The following FRMD4A variants were observed in gnomAD, a reference collection of about 807,000 sequenced individuals.
The protein encoded by FRMD4A is FERM domain containing 4A.
A neutral mutation model predicts 129.1 loss-of-function variants in FRMD4A; 29 were observed. The observed-to-expected ratio is 0.22, with a 90% CI of 0.17 to 0.31. The LOEUF is 0.31. FRMD4A is among the 10% of genes least tolerant of loss of function. The probability of loss-of-function intolerance (pLI) is 1.00; values close to 1 mark genes in which losing one functional copy is unlikely to be tolerated. For synonymous variants in FRMD4A, 634 were observed against 571.6 expected, an observed-to-expected ratio of 1.11 and a Z score of -1.56; for missense variants, 1,272 against 1,375.8, an observed-to-expected ratio of 0.92 and a Z score of 1.19.
intron 5 of FRMD4A, among the ~76,000 whole-genome samples, chr10:13,794,831 G>A (rs1046118190): frequency 6.6e-6 from 1 of 152,306 alleles, no homozygotes; most frequent in Middle Eastern, 3.4e-3. Flanking sequence ...TGGGTCTTCA[G>A]TCATCCCATT....
intron 2 of FRMD4A, among the ~76,000 whole-genome samples, chr10:14,043,497 G>T (rs1214251383): frequency 1.3e-5 from 2 of 151,792 alleles, no homozygotes; most frequent in Non-Finnish European, 2.9e-5. Flanking sequence ...CCTCTCTGAT[G>T]TGCAGTTGAG....
intron 2 of FRMD4A, among the ~76,000 whole-genome samples, chr10:14,168,027 A>G (rs1281513839): frequency 6.6e-6 from 1 of 152,200 alleles, no homozygotes; most frequent in Non-Finnish European, 1.5e-5. Context: ...AGAGAGGACC[A>G]AGACTCTTCA....
intron 2 of FRMD4A, among the ~76,000 whole-genome samples, chr10:13,914,759 C>G (rs555772918): frequency 1.3e-5 from 2 of 152,226 alleles, no homozygotes; most frequent in Admixed American, 6.5e-5. Context: ...GAATAGGAGG[C>G]TGAAGTGTGA....
At chr10:13,698,110 CAG>C (rs2086411236) in intron 14 of FRMD4A, among the ~76,000 whole-genome samples, 1 of 92,406 alleles carries the variant, frequency 1.1e-5, no homozygotes, top group African/African-American at 4.5e-5. Context: ...GAGAGACAGG[CAG>C]AGAGAAAGAA....
intron 10 of FRMD4A, 31 bp from the exon 11 acceptor site, chr10:13,740,282 C>T: frequency 1.3e-6 from 2 of 1,496,370 alleles, no homozygotes; most frequent in Non-Finnish European, 1.9e-6. Context: ...TACACAAACA[C>T]ACACACAATG....
intron 2 of FRMD4A, among the ~76,000 whole-genome samples, chr10:14,039,451 AATCAATCTATCTATCTATCT>A (rs1408717836): frequency 0.047 from 5,397 of 113,726 alleles, 170 homozygotes; most frequent in Non-Finnish European, 0.063. Flanking sequence ...CCCCAAAATC[AATCAATCTATCTATCTATCT>A]ATCTATCTAT....
intron 2 of FRMD4A, among the ~76,000 whole-genome samples, chr10:14,103,603 C>T (rs997256774): frequency 5.3e-5 from 8 of 152,104 alleles, no homozygotes; most frequent in Non-Finnish European, 8.8e-5. Context: ...ATCTAGTAAG[C>T]ATTAGTTTTT....
chr10:14,176,927 C>A (rs1009811114), intron 2 of FRMD4A, among the ~76,000 whole-genome samples: 1 of 152,216 alleles, frequency 6.6e-6, no homozygotes, highest in African/African-American at 2.4e-5. Context: ...TGGCCCTGAA[C>A]CATTAAAACG....
chr10:14,162,736 G>T (rs1423209063), intron 2 of FRMD4A, among the ~76,000 whole-genome samples: 1 of 142,480 alleles, frequency 7.0e-6, no homozygotes, highest in African/African-American at 2.7e-5. Flanking sequence ...TGGGATTTTC[G>T]TTAGCTGGTT....
At chr10:13,894,385 G>A (rs1461030559) in intron 2 of FRMD4A, among the ~76,000 whole-genome samples, 4 of 152,132 alleles carry the variant, frequency 2.6e-5, no homozygotes, top group Non-Finnish European at 5.9e-5. Context: ...GGACCCCCTG[G>A]TCATCCAGTC....
chr10:13,815,459 G>A (rs1431560093), intron 3 of FRMD4A, among the ~76,000 whole-genome samples: 1 of 152,120 alleles, frequency 6.6e-6, no homozygotes, highest in Non-Finnish European at 1.5e-5. Flanking sequence ...TGATGAAAAA[G>A]TGTTGGAAAT....
At chr10:13,931,951 A>AAGC (rs2095201399) in intron 2 of FRMD4A, among the ~76,000 whole-genome samples, 10 of 111,466 alleles carry the variant, frequency 9.0e-5, no homozygotes, top group African/African-American at 2.6e-4. Context: ...TCTGTCTCAA[A>AAGC]AACCAACCAA....
chr10:13,847,356 G>C (rs1445972288), intron 3 of FRMD4A, among the ~76,000 whole-genome samples: 2 of 152,192 alleles, frequency 1.3e-5, no homozygotes, highest in African/African-American at 4.8e-5. Context: ...GAGATTCAAG[G>C]GCGATAGGGA....
In FRMD4A at chr10:14,228,981, T is replaced by C. The variant is rs375326239; in HGVS notation, c.45+101077A>G. ...ACGGTGTGACAGTAGCATTAAAATA[T>C]GCCCCACGGTCTAACACGAGCCCTG... On this transcript the variant is annotated intron_variant, in intron 2 of 24. Transcript: ENST00000357447. Among the ~76,000 whole-genome samples, 5 of 152,326 alleles carry C rather than the reference T, an allele frequency of 3.3e-5. No homozygotes were observed. In the South Asian group the frequency reaches 1.0e-3, roughly 32 times the overall value.
At chr10:14,075,598 C>T (rs571573678) in intron 2 of FRMD4A, among the ~76,000 whole-genome samples, 50 of 152,240 alleles carry the variant, frequency 3.3e-4, no homozygotes, top group African/African-American at 9.1e-4. Context: ...GATATGAAAG[C>T]GTAAAGTTTC....
At position 13,782,944 on chromosome 10, in the gene FRMD4A, T is replaced by C; in HGVS notation, c.362A>G (p.Asn121Ser). ...DNATIELFFL[N>S]AKSCIYKELI... ...TACCTTGTAGATGCAGGACTTCGCG[T>C]TCAGAAAGAAAAGCTCAATGGTAGC... Residue 121 changes from asparagine (N) to serine (S), a missense_variant, in exon 6 of 25, where the codon AAC (asparagine) becomes AGC (serine). Coordinates refer to ENST00000357447, the MANE Select transcript of FRMD4A (RefSeq NM_018027.5). 1 of 1,489,228 alleles carries C rather than the reference T, an allele frequency of 6.7e-7. No homozygotes were observed. The highest frequency in any genetic ancestry group is 9.4e-7 in the Non-Finnish European group (1 of 1,066,000). 92.3% of individuals were successfully genotyped at this position (1,489,228 alleles called of 1,614,324 possible). A position where few individuals can be genotyped will look rare whatever the true frequency, so the allele number is the denominator to read the frequency against.
At chr10:13,689,549 C>CTTTTTTTT (rs34800095) in intron 15 of FRMD4A, among the ~76,000 whole-genome samples, 11 of 128,638 alleles carry the variant, frequency 8.6e-5, no homozygotes, top group African/African-American at 3.4e-4. Flanking sequence ...TTAGAAGATT[C>CTTTTTTTT]TTTTTTTTTT....
intron 2 of FRMD4A, among the ~76,000 whole-genome samples, chr10:14,242,604 TG>T (rs765275420): frequency 4.7e-4 from 72 of 152,322 alleles, no homozygotes; most frequent in African/African-American, 1.4e-3. Flanking sequence ...GCATGACCTC[TG>T]AACAAAATTA....
chr10:13,956,334 T>C (rs575984726), intron 2 of FRMD4A, among the ~76,000 whole-genome samples: 1 of 152,132 alleles, frequency 6.6e-6, no homozygotes, highest in Non-Finnish European at 1.5e-5. Context: ...GTACTTTTAG[T>C]AGAGATGGGG....
Sources: allele counts gnomAD v4.1 joint callset (sites outside exome capture counted in the v4.1 genomes callset), GRCh38; gene constraint gnomAD v4.1.1; transcripts MANE v1.5; gene names NCBI Gene and HGNC (gene_info 2026-07-23, HGNC 2026-07-21).